CAAP1: variants seen among roughly 807,000 people sequenced by gnomAD.
CAAP1 encodes caspase activity and apoptosis inhibitor 1, also known as conserved anti-apoptotic protein.
CAAP1 carries 20 observed loss-of-function variants against 34.0 expected under a neutral mutation model. That is an observed-to-expected ratio of 0.59 (90% CI 0.41 to 0.86). CAAP1 has a LOEUF of 0.86. Among genes scored for constraint, CAAP1 ranks in the 40% least tolerant of loss-of-function variants. CAAP1 has a pLI of 0.00. For synonymous variants in CAAP1, 213 were observed against 166.7 expected (o/e 1.28, Z -2.14); for missense variants, 538 against 450.5 (o/e 1.19, Z -1.76).
chr9:26,892,518 G>A lies in CAAP1; in HGVS notation c.198C>T (p.Gly66=), dbSNP rs776158669. 3.2e-6 allele frequency: 5 copies of A among 1,571,396 alleles called. 1 individual carries two copies. The South Asian group carries it at 5.7e-5, about 18-fold the overall frequency. Reference sequence around the variant, plus strand: ...CCCAACAGCTGCCGCCGCTCCCACCGCCGGTGACACTTCCACTAAAATTGG... The same window carrying A: ...CCCAACAGCTGCCGCCGCTCCCACCACCGGTGACACTTCCACTAAAATTGG... ...GNANFSGSVT[G]GGSGGSCWGG... Residue 66 remains glycine, a synonymous_variant, in exon 1 of 6, where the codon GGC becomes GGT. Coordinates refer to ENST00000333916, the MANE Select transcript of CAAP1 (RefSeq NM_024828.4).
chr9:26,863,001 A>T (rs1414666655), intron 4 of CAAP1, among the ~76,000 whole-genome samples: 1 of 152,140 alleles, frequency 6.6e-6, no homozygotes, highest in Non-Finnish European at 1.5e-5. Flanking sequence ...GATAAAGGGT[A>T]TATGGATGTT....
chr9:26,858,652 C>G (rs1822932225), intron 5 of CAAP1, among the ~76,000 whole-genome samples: 1 of 151,944 alleles, frequency 6.6e-6, no homozygotes, highest in South Asian at 2.1e-4. Context: ...GAAACCCCGT[C>G]TCTACTAAAA....
intron 4 of CAAP1, among the ~76,000 whole-genome samples, chr9:26,865,896 G>A (rs963194659): frequency 1.3e-5 from 2 of 151,966 alleles, no homozygotes; most frequent in African/African-American, 4.8e-5. Context: ...GCCCAAGCTG[G>A]AGTGTAGTGG....
At chr9:26,846,617 G>A (rs530161404) in intron 5 of CAAP1, among the ~76,000 whole-genome samples, 40 of 150,978 alleles carry the variant, frequency 2.6e-4, no homozygotes, top group East Asian at 5.8e-4. Flanking sequence ...TTCTTTTAAC[G>A]CTTTTTACAG....
chr9:26,877,292 GA>G (rs200127869), intron 4 of CAAP1, among the ~76,000 whole-genome samples: 12 of 150,724 alleles, frequency 8.0e-5, no homozygotes, highest in African/African-American at 2.7e-4. Context: ...TCCAAAATCT[GA>G]AAAAAAAATC....
intron 4 of CAAP1, among the ~76,000 whole-genome samples, chr9:26,872,602 G>C (rs983844759): frequency 6.8e-6 from 1 of 146,718 alleles, no homozygotes; most frequent in African/African-American, 2.7e-5. Context: ...TGTTGCCCAG[G>C]CTGGAGTGCA....
chr9:26,874,780 A>G (rs2131327400), intron 4 of CAAP1, among the ~76,000 whole-genome samples: 1 of 152,318 alleles, frequency 6.6e-6, no homozygotes, highest in African/African-American at 2.4e-5. Context: ...ATCTTAAGGT[A>G]TGGTAAGAGT....
At position 26,865,897 on chromosome 9, in the gene CAAP1, A is replaced by G. The variant is rs142483467; in HGVS notation, c.666-4758T>C. Among the ~76,000 whole-genome samples the G allele has an allele frequency of 3.6e-3, 543 of 152,160 alleles. 1 individual carries two copies. The highest frequency in any genetic ancestry group is 0.013 in the African/African-American group (521 of 41,520). On this transcript the variant is annotated intron_variant, in intron 4 of 5. Coordinates refer to ENST00000333916, the MANE Select transcript of CAAP1 (RefSeq NM_024828.4). ...AGGCTTGCTCTGTTGCCCAAGCTGG[A>G]GTGTAGTGGCACGATCTCAGCTCAT...
At chr9:26,846,140 T>C (rs1239919442) in intron 5 of CAAP1, among the ~76,000 whole-genome samples, 1 of 152,000 alleles carries the variant, frequency 6.6e-6, no homozygotes, top group Non-Finnish European at 1.5e-5. Context: ...ACTTACCAGC[T>C]GGGCACGGTG....
chr9:26,881,610 A>G (rs1823595020), intron 4 of CAAP1, among the ~76,000 whole-genome samples: 1 of 152,250 alleles, frequency 6.6e-6, no homozygotes, highest in Non-Finnish European at 1.5e-5. Context: ...CTGTGAGTCC[A>G]GTAAACCTCT....
intron 4 of CAAP1, among the ~76,000 whole-genome samples, chr9:26,883,034 T>C (rs996609925): frequency 6.6e-6 from 1 of 152,208 alleles, no homozygotes; most frequent in Admixed American, 6.5e-5. Context: ...CTTTTGATTT[T>C]ACAGGCTCAT....
intron 5 of CAAP1, 143 bp from the exon 6 acceptor site, chr9:26,842,790 C>T: frequency 3.3e-6 from 2 of 614,030 alleles, no homozygotes; most frequent in Non-Finnish European, 5.5e-6. Context: ...ATGCCACCCT[C>T]TTTTCCCCTG....
chr9:26,891,443 G>A (rs1039899295), intron 1 of CAAP1, among the ~76,000 whole-genome samples: 1 of 152,086 alleles, frequency 6.6e-6, no homozygotes, highest in Non-Finnish European at 1.5e-5. Context: ...CATTTGGAAA[G>A]CATTTGGTGG....
At chr9:26,891,260 T>C (rs1018938068) in intron 1 of CAAP1, among the ~76,000 whole-genome samples, 5 of 152,120 alleles carry the variant, frequency 3.3e-5, no homozygotes, top group Admixed American at 2.0e-4. Context: ...AATATTAAAA[T>C]GTTCAATCTC....
intron 5 of CAAP1, among the ~76,000 whole-genome samples, chr9:26,857,409 A>T (rs1822896630): frequency 6.6e-6 from 1 of 152,232 alleles, no homozygotes. Context: ...AGGTGGGTGG[A>T]TCACCTGAGG....
chr9:26,847,912 T>C (rs1353249844), intron 5 of CAAP1, among the ~76,000 whole-genome samples: 2 of 152,156 alleles, frequency 1.3e-5, no homozygotes, highest in Non-Finnish European at 2.9e-5. Flanking sequence ...AGTGGGTTCT[T>C]GGTAGGGAGG....
Position 26,883,205 on chromosome 9 carries a change from G to A in CAAP1, c.665+1605C>T, listed in dbSNP as rs566431963. On this transcript the variant is annotated intron_variant, in intron 4 of 5. Transcript: ENST00000333916. ...GGAAGGGGCCGGGGCAGAATGATAC[G>A]GTTTGGCTGTGTCTCCACCCAAATC... Among the ~76,000 whole-genome samples, 5 of 152,188 alleles carry A rather than the reference G, an allele frequency of 3.3e-5. No homozygotes were observed. In the South Asian group the frequency reaches 1.0e-3, roughly 32 times the overall value.
intron 4 of CAAP1, among the ~76,000 whole-genome samples, chr9:26,869,274 G>A (rs967428264): frequency 6.6e-5 from 10 of 152,050 alleles, no homozygotes; most frequent in South Asian, 4.2e-4. Flanking sequence ...TGTCACTTCC[G>A]TAAAAAAGAA....
At chr9:26,859,552 A>G (rs1407220788) in intron 5 of CAAP1, among the ~76,000 whole-genome samples, 1 of 152,212 alleles carries the variant, frequency 6.6e-6, no homozygotes, top group Non-Finnish European at 1.5e-5. Context: ...TGATACAAAG[A>G]GCAGAAACAA....
Sources: allele counts gnomAD v4.1 joint callset (sites outside exome capture counted in the v4.1 genomes callset), GRCh38; gene constraint gnomAD v4.1.1; transcripts MANE v1.5; gene names NCBI Gene and HGNC (gene_info 2026-07-23, HGNC 2026-07-21).